The following YARS1 variants were observed in gnomAD, a reference collection of about 807,000 sequenced individuals.
YARS1 encodes the protein tyrosyl-tRNA synthetase 1, also known as tyrosine--tRNA ligase, cytoplasmic.
A neutral mutation model predicts 62.2 loss-of-function variants in YARS1; 36 were observed. The observed-to-expected ratio is 0.58, with a 90% CI of 0.44 to 0.76. The LOEUF (loss-of-function observed/expected upper bound fraction) is 0.76. Among genes scored for constraint, YARS1 ranks in the 30% least tolerant of loss-of-function variants. The pLI is 0.00. For missense variants in YARS1, 524 were observed against 639.8 expected (o/e 0.82, Z 1.95); for synonymous variants, 234 against 244.9 (o/e 0.96, Z 0.42).
chr1:32,784,532 A>G (rs1448520591), intron 8 of YARS1, among the ~76,000 whole-genome samples: 1 of 151,918 alleles, frequency 6.6e-6, no homozygotes, highest in Non-Finnish European at 1.5e-5. Flanking sequence ...TCATCCTACC[A>G]TGTCTTTGTA....
At chr1:32,788,871 C>T (rs1043484737) in intron 6 of YARS1, among the ~76,000 whole-genome samples, 2 of 152,164 alleles carry the variant, frequency 1.3e-5, no homozygotes, top group African/African-American at 2.4e-5. Context: ...GTTGCCCTGG[C>T]TGGAGTGTGG....
intron 4 of YARS1, among the ~76,000 whole-genome samples, chr1:32,799,540 T>C (rs905133789): frequency 1.3e-5 from 2 of 151,992 alleles, no homozygotes; most frequent in African/African-American, 4.8e-5. Flanking sequence ...AAAAGTAGAA[T>C]CGATAAGATT....
chr1:32,817,241 C>T lies in YARS1; in HGVS notation c.4G>A (p.Gly2Arg), dbSNP rs1160893050. The T allele has an allele frequency of 1.2e-6, 2 of 1,614,116 alleles. No individual in the cohort carries two copies. The highest frequency in any genetic ancestry group is 1.7e-6 in the Non-Finnish European group (2 of 1,180,032). Residue 2 changes from glycine to arginine, a missense_variant, in exon 1 of 13, where the codon GGG (glycine) becomes AGG (arginine). Transcript: ENST00000373477. ...TTCTCTTCAGGGCTGGGAGCGTCCC[C>T]CATGGCTCCGCTACCCCTGCTTCCC... is the stretch of plus-strand genomic sequence containing the variant. MGDAPSPEEKLH... is the reference protein window; with the variant it reads MRDAPSPEEKLH...
intron 1 of YARS1, among the ~76,000 whole-genome samples, chr1:32,814,131 C>T (rs1318163079): frequency 2.6e-5 from 4 of 152,284 alleles, no homozygotes; most frequent in East Asian, 1.9e-4. Context: ...TCAAACTCAA[C>T]GTGTTCAAAA....
intron 5 of YARS1, among the ~76,000 whole-genome samples, chr1:32,797,229 G>A (rs1008187237): frequency 2.0e-5 from 3 of 150,092 alleles, no homozygotes; most frequent in Admixed American, 6.7e-5. Context: ...AAAACTACCC[G>A]GGTGTTGTGG....
At position 32,810,738 on chromosome 1, in the gene YARS1, G is replaced by C. The variant is rs1408480197; in HGVS notation, c.233C>G (p.Ala78Gly). 3.1e-6 allele frequency: 5 copies of C among 1,614,046 alleles called. No homozygotes were observed. The highest frequency in any genetic ancestry group is 1.6e-4 in the Middle Eastern group (1 of 6,084). The stretch of plus-strand genomic sequence containing the variant: ...TGGGGCTTTCATGTTATCCAGGTAT[G>C]CGTGGAGGTCCGCAAACAGAATTGT... Reference protein sequence around the residue: ...EVTILFADLHAYLDNMKAPWE... With the variant: ...EVTILFADLHGYLDNMKAPWE... The change falls in exon 3 of 13, where the codon GCA becomes GGA. Residue 78 changes from alanine to glycine, a missense_variant. Physicochemically the swap from Ala to Gly is moderately conservative, Grantham distance 60. Coordinates refer to ENST00000373477, the MANE Select transcript of YARS1 (RefSeq NM_003680.4).
At chr1:32,780,808 C>CTTT in intron 10 of YARS1, 1 of 568,380 alleles carries the variant, frequency 1.8e-6, no homozygotes, top group South Asian at 1.9e-5. Context: ...AACAGATAAA[C>CTTT]AAGTTCCCTC....
intron 4 of YARS1, among the ~76,000 whole-genome samples, chr1:32,802,816 G>C (rs1293331853): frequency 6.6e-6 from 1 of 151,970 alleles, no homozygotes; most frequent in African/African-American, 2.4e-5. Context: ...AGTAGACTTA[G>C]CATAATTCTT....
rs776230316 is a variant in YARS1, at chr1:32,797,754, G to A, written c.591+9C>T. On this transcript the variant is annotated intron_variant, in intron 5 of 12. Coordinates refer to ENST00000373477, the MANE Select transcript of YARS1 (RefSeq NM_003680.4). ...GCAAGTGAAAAAAGACAGGAAAGCA[G>A]ACACTCACCTTCTCTGCAAAGGTGA... 1.3e-5 allele frequency: 21 copies of A among 1,613,550 alleles called. No individual in the cohort carries two copies. The highest frequency in any genetic ancestry group is 1.7e-5 in the Non-Finnish European group (20 of 1,179,608).
rs746798015 is a variant in YARS1, at chr1:32,810,914, A to G, written c.201T>C (p.Cys67=). The change falls in exon 2 of 13, where the codon TGT becomes TGC. Residue 67 remains cysteine (C), a synonymous_variant. Transcript: ENST00000373477. ...GGCTTATAGCATTAGTTCTTACCTC[A>G]CACCCTGCCTTTAAGAAGTCTGCAA... The part of the protein sequence containing the change: ...SKIADFLKAG[C]EVTILFADLH... 6.2e-6 allele frequency: 10 copies of G among 1,613,870 alleles called. No homozygotes were observed. Among genetic ancestry groups the G allele is most frequent in the Non-Finnish European group, 8.5e-6 (10 of 1,180,008 alleles).
intron 6 of YARS1, chr1:32,790,594 A>T (rs1320882570): frequency 2.0e-5 from 3 of 151,926 alleles, no homozygotes; most frequent in Admixed American, 2.0e-4. Flanking sequence ...TCCTCCCAGA[A>T]CTACTTTATC....
At position 32,806,522 on chromosome 1, in the gene YARS1, T is replaced by A; in HGVS notation, c.470A>T (p.Glu157Val). 6.2e-7 allele frequency: 1 copy of A among 1,614,090 alleles called. No homozygotes were observed. ...KAGAEVVKQVEHPLLSGLLYP... is the reference protein window; with the variant it reads ...KAGAEVVKQVVHPLLSGLLYP... ...TAAGAGGCCACTCAGCAAAGGGTGC[T>A]CCACCTGCTTTACCACCTCAGCTCC... The change falls in exon 4 of 13, where the codon GAG becomes GTG. Residue 157 changes from glutamate (E) to valine (V), a missense_variant. Physicochemically the swap from Glu to Val is moderately radical, Grantham distance 121 (BLOSUM62 -2). Transcript: ENST00000373477.
intron 3 of YARS1, among the ~76,000 whole-genome samples, chr1:32,807,572 C>A (rs1569771773): frequency 1.3e-5 from 2 of 152,198 alleles, no homozygotes; most frequent in East Asian, 3.9e-4. Flanking sequence ...ATCCTCCCAC[C>A]TCAACCTCCA....
In YARS1 at chr1:32,779,441, C is replaced by G. The variant is rs1652983432; in HGVS notation, c.1417G>C (p.Glu473Gln). 6.2e-7 allele frequency: 1 copy of G among 1,614,036 alleles called. No homozygotes were observed. The highest frequency in any genetic ancestry group is 1.7e-5 in the Admixed American group (1 of 60,012). Residue 473 changes from glutamate (E) to glutamine (Q), a missense_variant, in exon 12 of 13, where the codon GAA (glutamate) becomes CAA (glutamine). Coordinates refer to ENST00000373477, the MANE Select transcript of YARS1 (RefSeq NM_003680.4). ...PGEHVFVKGY[E>Q]KGQPDEELKP... is the part of the protein sequence containing the mutation. ...AGCTCCTCATCTGGTTGGCCCTTTTCATAGCCCTTCACAAACACGTGCTCA... is the reference window on the plus strand; with the variant it reads ...AGCTCCTCATCTGGTTGGCCCTTTTGATAGCCCTTCACAAACACGTGCTCA...
intron 4 of YARS1, among the ~76,000 whole-genome samples, chr1:32,801,739 G>A (rs1394483982): frequency 2.0e-5 from 3 of 152,124 alleles, no homozygotes; most frequent in Admixed American, 1.3e-4. Flanking sequence ...CTTTATCAAC[G>A]AAGTTTATGT....
At chr1:32,808,289 G>A (rs896557714) in intron 3 of YARS1, among the ~76,000 whole-genome samples, 2 of 150,300 alleles carry the variant, frequency 1.3e-5, no homozygotes, top group Non-Finnish European at 3.0e-5. Flanking sequence ...GTGCGATCTC[G>A]GCTCACCACA....
intron 5 of YARS1, 36 bp downstream of exon 5, chr1:32,797,727 G>A (rs1403881344): frequency 6.4e-7 from 1 of 1,561,230 alleles, no homozygotes; most frequent in Non-Finnish European, 8.8e-7. Context: ...TACCTCTGAG[G>A]TGCAAGTGAA....
Position 32,779,537 on chromosome 1 carries a change from G to A in YARS1, c.1335-14C>T. 4 of 1,614,172 alleles carry A rather than the reference G, an allele frequency of 2.5e-6. No homozygotes were observed. Among genetic ancestry groups the A allele is most frequent in the Non-Finnish European group, 3.4e-6 (4 of 1,180,018 alleles). On this transcript the variant is annotated splice_polypyrimidine_tract_variant and intron_variant, in intron 11 of 12. Coordinates refer to ENST00000373477, the MANE Select transcript of YARS1 (RefSeq NM_003680.4). Reference sequence around the variant, plus strand: ...TTTATCCCTTCTCTGGGAAGACACAGGACAAGAGAAGAGTGAGGCTATGGA... The same window carrying A: ...TTTATCCCTTCTCTGGGAAGACACAAGACAAGAGAAGAGTGAGGCTATGGA...
At chr1:32,795,333 A>T (rs974203723) in intron 5 of YARS1, among the ~76,000 whole-genome samples, 43 of 152,170 alleles carry the variant, frequency 2.8e-4, no homozygotes, top group Non-Finnish European at 6.0e-4. Flanking sequence ...AACAAAAAAC[A>T]AACAAACAAA....
Sources: allele counts gnomAD v4.1 joint callset (sites outside exome capture counted in the v4.1 genomes callset), GRCh38; gene constraint gnomAD v4.1.1; transcripts MANE v1.5; gene names NCBI Gene and HGNC (gene_info 2026-07-23, HGNC 2026-07-21).